The following RIF1 variants were observed in gnomAD, a reference collection of about 807,000 sequenced individuals.
RIF1 encodes replication timing regulatory factor 1, also known as telomere-associated protein RIF1.
RIF1 carries 45 observed loss-of-function variants against 247.1 expected under a neutral mutation model. That is an observed-to-expected ratio of 0.18 (90% CI 0.14 to 0.23). The LOEUF is 0.23. RIF1 is among the 10% of genes least tolerant of loss of function. The pLI is 1.00. For synonymous variants in RIF1, 1,087 were observed against 978.8 expected, an observed-to-expected ratio of 1.11 and a Z score of -2.06; for missense variants, 2,967 against 2,862.5, an observed-to-expected ratio of 1.04 and a Z score of -0.83.
At chr2:151,504,344 C>T (rs1187522207) in intron 12 of RIF1, among the ~76,000 whole-genome samples, 1 of 152,064 alleles carries the variant, frequency 6.6e-6, no homozygotes, top group African/African-American at 2.4e-5. Flanking sequence ...TACTCTTCAC[C>T]CAACAAAGCA....
chr2:151,474,215 C>A, intron 35 of RIF1, 143 bp downstream of exon 35: 1 of 595,962 alleles, frequency 1.7e-6, no homozygotes, highest in Non-Finnish European at 3.0e-6. Flanking sequence ...AAAAACTAAC[C>A]GATTGGACAT....
intron 34 of RIF1, among the ~76,000 whole-genome samples, chr2:151,471,775 T>C (rs2048551339): frequency 6.6e-6 from 1 of 152,198 alleles, no homozygotes; most frequent in African/African-American, 2.4e-5. Context: ...TACTGTAGCC[T>C]TGTAGTATAG....
At chr2:151,505,633 C>A in intron 12 of RIF1, 1 of 1,341,686 alleles carries the variant, frequency 7.5e-7, no homozygotes, top group South Asian at 1.2e-5. Context: ...TTCTTCCCAA[C>A]ATGTACATGT....
In RIF1 at chr2:151,478,341, C is replaced by G. The variant is rs2049029908; in HGVS notation, c.*3270C>G. 1 of 152,130 alleles carries G rather than the reference C, an allele frequency of 6.6e-6. No homozygotes were observed. The highest frequency in any genetic ancestry group is 6.6e-5 in the Admixed American group (1 of 15,266). 9.4% of individuals were successfully genotyped at this position (152,130 alleles called of 1,614,324 possible). A position where few individuals can be genotyped will look rare whatever the true frequency, so the allele number is the denominator to read the frequency against. On this transcript the variant is annotated 3_prime_UTR_variant, in exon 36 of 36. Transcript: ENST00000444746. ...TCTCTACTAAAAATACAAAAACCAG[C>G]CAGGCATGTTGGCGCATACTTGTAA...
Position 151,478,593 on chromosome 2 carries a change from A to T in RIF1, c.*3522A>T, listed in dbSNP as rs1291874285. The T allele has an allele frequency of 1.3e-5, 2 of 152,118 alleles. No homozygotes were observed. The highest frequency in any genetic ancestry group is 6.5e-5 in the Admixed American group (1 of 15,268). 9.4% of individuals were successfully genotyped at this position (152,118 alleles called of 1,614,324 possible). On this transcript the variant is annotated 3_prime_UTR_variant, in exon 36 of 36. Transcript: ENST00000444746. ...ATTTAAACATCATAAAAATGTGAAG[A>T]GTAAGTGGTGAGGCAAGAAACAAAA...
intron 8 of RIF1, among the ~76,000 whole-genome samples, chr2:151,425,157 T>G (rs1688825734): frequency 1.3e-5 from 2 of 152,176 alleles, no homozygotes; most frequent in South Asian, 2.1e-4. Context: ...TTACTAGTGA[T>G]GTTGAACATC....
At chr2:151,512,270 GTGATCCACCCACC>G (rs2075092184), downstream of RIF1, among the ~76,000 whole-genome samples, 1 of 151,912 alleles carries the variant, frequency 6.6e-6, no homozygotes, top group South Asian at 2.1e-4. Flanking sequence ...TCCTGACCTT[GTGATCCACCCACC>G]TCGGCCTCCC....
intron 9 of RIF1, among the ~76,000 whole-genome samples, chr2:151,430,904 T>C (rs1159140663): frequency 2.0e-5 from 3 of 152,212 alleles, no homozygotes; most frequent in Non-Finnish European, 2.9e-5. Context: ...TCCACCTGCC[T>C]CAGCCTTCCA....
At position 151,414,852 on chromosome 2, in the gene RIF1, G is replaced by A; in HGVS notation, c.213G>A (p.Leu71=). 2 of 1,613,080 alleles carry A rather than the reference G, an allele frequency of 1.2e-6. No individual in the cohort carries two copies. The highest frequency in any genetic ancestry group is 1.7e-6 in the Non-Finnish European group (2 of 1,179,548). The part of the protein sequence containing the change: ...KTHISSQNSE[L]SSAALQALGF... ...ACATTTCCAGTCAAAACTCGGAGCT[G>A]AGTAGTGCTGCTCTACAAGCCCTGG... Residue 71 remains leucine (L), a synonymous_variant, in exon 4 of 36, where the codon CTG becomes CTA. Transcript: ENST00000444746.
rs1263104551 is a variant in RIF1 at position 151,475,681 on chromosome 2, G to T, written c.*610G>T. 1.3e-5 allele frequency: 2 copies of T among 153,522 alleles called. No homozygotes were observed. Among genetic ancestry groups the T allele is most frequent in the African/African-American group, 4.8e-5 (2 of 41,444 alleles). 9.5% of individuals were successfully genotyped at this position (153,522 alleles called of 1,614,324 possible). A position where few individuals can be genotyped will look rare whatever the true frequency, so the allele number is the denominator to read the frequency against. On this transcript the variant is annotated 3_prime_UTR_variant, in exon 36 of 36. Coordinates refer to ENST00000444746, the MANE Select transcript of RIF1 (RefSeq NM_018151.5). ...GAATTTACTAAGATTTTATTCATTTGCATTAGCAAATATTCATGCAGCAGC... is the reference window on the plus strand; with the variant it reads ...GAATTTACTAAGATTTTATTCATTTTCATTAGCAAATATTCATGCAGCAGC...
chr2:151,525,398 A>C, the RIF1 span: 1 of 674,486 alleles, frequency 1.5e-6, no homozygotes, highest in Non-Finnish European at 2.6e-6. Context: ...TGGGACTTAG[A>C]TAAGACCCAT....
chr2:151,450,796 C>T (rs1476134114), intron 20 of RIF1, among the ~76,000 whole-genome samples: 3 of 152,122 alleles, frequency 2.0e-5, no homozygotes, highest in Non-Finnish European at 4.4e-5. Flanking sequence ...GTTGGCCAGG[C>T]TGGTCTCGAA....
intron 33 of RIF1, 123 bp downstream of exon 33, chr2:151,468,879 T>C: frequency 2.7e-6 from 2 of 729,112 alleles, no homozygotes; most frequent in South Asian, 3.5e-5. Context: ...ACATTTTATT[T>C]TTGAAATAAA....
chr2:151,500,234 T>C (rs1352803992), intron 11 of RIF1, among the ~76,000 whole-genome samples: 2 of 152,102 alleles, frequency 1.3e-5, no homozygotes, highest in Non-Finnish European at 2.9e-5. Context: ...CCAAAGAAAG[T>C]TACTGATCTA....
intron 14 of RIF1, 63 bp downstream of exon 14, chr2:151,438,809 A>G: frequency 7.2e-6 from 7 of 966,264 alleles, no homozygotes; most frequent in South Asian, 1.3e-5. Flanking sequence ...GATGATTTTT[A>G]TAGCATCCGG....
chr2:151,508,192 C>T, downstream of RIF1: 3 of 856,826 alleles, frequency 3.5e-6, no homozygotes, highest in Non-Finnish European at 5.4e-6. Context: ...TATTTTAGCC[C>T]TTCCAGGCTC....
chr2:151,489,798 G>A (rs2054615586), intron 9 of RIF1, among the ~76,000 whole-genome samples: 3 of 151,688 alleles, frequency 2.0e-5, no homozygotes, highest in Admixed American at 6.6e-5. Flanking sequence ...TCATTAATTT[G>A]AGTTAGATAA....
downstream of RIF1, among the ~76,000 whole-genome samples, chr2:151,511,858 GT>G (rs2074658351): frequency 6.6e-6 from 1 of 152,008 alleles, no homozygotes; most frequent in South Asian, 2.1e-4. Context: ...GGGCTACTTT[GT>G]TTCTTCCAGA....
At chr2:151,440,678 G>C (rs1692129009) in intron 15 of RIF1, among the ~76,000 whole-genome samples, 1 of 152,160 alleles carries the variant, frequency 6.6e-6, no homozygotes, top group South Asian at 2.1e-4. Context: ...TACTTGTTCT[G>C]TAGCAGTATA....
Sources: allele counts gnomAD v4.1 joint callset (sites outside exome capture counted in the v4.1 genomes callset), GRCh38; gene constraint gnomAD v4.1.1; transcripts MANE v1.5; gene names NCBI Gene and HGNC (gene_info 2026-07-23, HGNC 2026-07-21).